KIAA1217: variants seen among roughly 807,000 people sequenced by gnomAD.
KIAA1217 encodes the protein sickle tail protein homolog.
A neutral mutation model predicts 163.9 loss-of-function variants in KIAA1217; 88 were observed. The ratio of observed to expected loss-of-function variants is 0.54; its 90% CI spans 0.45 to 0.64. KIAA1217 has a LOEUF of 0.64. KIAA1217 is among the 30% of genes least tolerant of loss of function. The pLI is 0.00. For synonymous variants in KIAA1217, 903 were observed against 923.1 expected, an observed-to-expected ratio of 0.98 and a Z score of 0.39; for missense variants, 2,372 against 2,475.0, an observed-to-expected ratio of 0.96 and a Z score of 0.88.
intron 2 of KIAA1217, among the ~76,000 whole-genome samples, chr10:24,271,086 A>C (rs1000375729): frequency 6.6e-6 from 1 of 152,044 alleles, no homozygotes; most frequent in Non-Finnish European, 1.5e-5. Flanking sequence ...TTTGTCTATA[A>C]TTTTTCCTTT....
rs113736118 is a variant in KIAA1217, at chr10:24,407,292, G to A, written c.554-25703G>A. 5.4e-3 allele frequency among the ~76,000 whole-genome samples: 814 copies of A among 151,932 alleles called. 5 individuals are homozygous for A. Among genetic ancestry groups the A allele is most frequent in the South Asian group, 0.019 (93 of 4,798 alleles). On this transcript the variant is annotated intron_variant, in intron 3 of 20. Coordinates refer to ENST00000376454, the MANE Select transcript of KIAA1217 (RefSeq NM_019590.5). ...TGTGTGTGTGTGTGTGTGTGCGTGCGTGTGCGTGCGCGTGCGCATGTGATG... is the reference window on the plus strand; with the variant it reads ...TGTGTGTGTGTGTGTGTGTGCGTGCATGTGCGTGCGCGTGCGCATGTGATG...
chr10:24,284,062 A>T (rs530733076), intron 2 of KIAA1217, among the ~76,000 whole-genome samples: 24 of 152,064 alleles, frequency 1.6e-4, no homozygotes, highest in African/African-American at 5.8e-4. Context: ...GGCACAGGTG[A>T]CCACACCTGG....
At chr10:24,346,146 T>C (rs1044466392) in intron 2 of KIAA1217, among the ~76,000 whole-genome samples, 1 of 152,200 alleles carries the variant, frequency 6.6e-6, no homozygotes, top group East Asian at 1.9e-4. Context: ...TGGCAGCATG[T>C]GTCAGAATTT....
intron 1 of KIAA1217, among the ~76,000 whole-genome samples, chr10:23,764,148 A>G (rs1012569921): frequency 6.6e-6 from 1 of 152,206 alleles, no homozygotes; most frequent in African/African-American, 2.4e-5. Flanking sequence ...GGCAAAGGAT[A>G]TGAACAGACA....
chr10:23,842,217 G>A (rs898304532), intron 1 of KIAA1217, among the ~76,000 whole-genome samples: 1 of 152,066 alleles, frequency 6.6e-6, no homozygotes, highest in Non-Finnish European at 1.5e-5. Flanking sequence ...CCCTCTTACT[G>A]CAGACCAGTT....
intron 2 of KIAA1217, among the ~76,000 whole-genome samples, chr10:24,200,543 G>A (rs926887083): frequency 2.6e-5 from 4 of 152,066 alleles, no homozygotes; most frequent in African/African-American, 9.7e-5. Flanking sequence ...CTGCATCTGG[G>A]GTGACCAACT....
chr10:24,101,733 C>G (rs923964830), intron 2 of KIAA1217, among the ~76,000 whole-genome samples: 3 of 151,982 alleles, frequency 2.0e-5, no homozygotes, highest in African/African-American at 7.2e-5. Flanking sequence ...TAATGTTTAG[C>G]CTAGTATTTT....
Position 24,194,603 on chromosome 10 carries a change from T to C in KIAA1217, c.-170-25023T>C, listed in dbSNP as rs1046160812. Among the ~76,000 whole-genome samples the C allele has an allele frequency of 5.9e-4, 90 of 151,378 alleles. 1 individual carries two copies. The highest frequency in any genetic ancestry group is 1.9e-3 in the African/African-American group (78 of 41,232). ...TTGGGGGTTGTTTTTGGAGACAGTC[T>C]CGCTCTGTCAACCAGACTGAAGTGG... On this transcript the variant is annotated intron_variant, in intron 2 of 18. Transcript: ENST00000376462.
At chr10:23,843,293 C>T (rs991088443) in intron 1 of KIAA1217, among the ~76,000 whole-genome samples, 9 of 152,124 alleles carry the variant, frequency 5.9e-5, no homozygotes, top group African/African-American at 2.2e-4. Flanking sequence ...TAGATCAACT[C>T]GAAATAGTCC....
chr10:24,397,108 CTTTTTTT>C (rs34660362), intron 3 of KIAA1217, among the ~76,000 whole-genome samples: 7 of 114,738 alleles, frequency 6.1e-5, no homozygotes, highest in Non-Finnish European at 1.1e-4. Flanking sequence ...GTAAGAAACT[CTTTTTTT>C]TTTTTTTTTT....
intron 2 of KIAA1217, among the ~76,000 whole-genome samples, chr10:24,103,691 C>G (rs141767089): frequency 6.6e-6 from 1 of 151,864 alleles, no homozygotes; most frequent in East Asian, 1.9e-4. Flanking sequence ...TGATGAGATA[C>G]CACCACACAC....
At chr10:24,247,825 T>A (rs1258475316) in intron 2 of KIAA1217, among the ~76,000 whole-genome samples, 1 of 152,192 alleles carries the variant, frequency 6.6e-6, no homozygotes, top group Non-Finnish European at 1.5e-5. Flanking sequence ...TCTGGAATGA[T>A]GTCCAATAAA....
At chr10:23,850,963 G>C (rs1839282466) in intron 1 of KIAA1217, among the ~76,000 whole-genome samples, 1 of 152,038 alleles carries the variant, frequency 6.6e-6, no homozygotes, top group Non-Finnish European at 1.5e-5. Context: ...CCACCCCCAT[G>C]ATCCAGTCAC....
intron 1 of KIAA1217, among the ~76,000 whole-genome samples, chr10:23,700,549 C>A (rs1420266518): frequency 6.6e-6 from 1 of 151,940 alleles, no homozygotes; most frequent in Non-Finnish European, 1.5e-5. Flanking sequence ...TCTACATGAT[C>A]TACCTGCTCT....
chr10:24,138,057 G>C (rs914169948), intron 2 of KIAA1217, among the ~76,000 whole-genome samples: 2 of 152,166 alleles, frequency 1.3e-5, no homozygotes, highest in African/African-American at 2.4e-5. Flanking sequence ...CACTATGAAC[G>C]TATAGTAGCA....
chr10:24,332,280 G>T (rs1422330321), intron 2 of KIAA1217, among the ~76,000 whole-genome samples: 3 of 152,318 alleles, frequency 2.0e-5, no homozygotes, highest in South Asian at 2.1e-4. Context: ...CCTATCAGGG[G>T]TACTGAAATA....
upstream of KIAA1217, among the ~76,000 whole-genome samples, chr10:24,204,464 G>GTTTAAGATTAATTATTT (rs1422223578): frequency 6.6e-6 from 1 of 152,154 alleles, no homozygotes; most frequent in African/African-American, 2.4e-5. Context: ...TCTAATTATT[G>GTTTAAGATTAATTATTT]TTTAAGATTA....
chr10:24,307,660 T>C (rs2042159322), intron 2 of KIAA1217, among the ~76,000 whole-genome samples: 1 of 151,132 alleles, frequency 6.6e-6, no homozygotes, highest in Admixed American at 6.6e-5. Context: ...AACATGCCTG[T>C]AGTCCCAGCT....
chr10:24,418,356 A>T (rs1398413750), intron 3 of KIAA1217, among the ~76,000 whole-genome samples: 1 of 152,174 alleles, frequency 6.6e-6, no homozygotes, highest in African/African-American at 2.4e-5. Context: ...TCAAGTTGAT[A>T]CTTCCCCAGT....
Sources: gnomAD v4.1 joint callset for allele counts (sites outside exome capture counted in the v4.1 genomes callset) on GRCh38, gnomAD v4.1.1 for gene constraint, MANE v1.5 for transcripts, NCBI Gene and HGNC (gene_info 2026-07-23, HGNC 2026-07-21) for gene names.